The following TTC39B variants were observed in gnomAD, a reference collection of about 807,000 sequenced individuals.
The protein encoded by TTC39B is tetratricopeptide repeat domain 39B.
In TTC39B, 92 loss-of-function variants were observed where a neutral mutation model predicts 96.6. The observed-to-expected ratio is 0.95, with a 90% CI of 0.80 to 1.13. The LOEUF is 1.13. TTC39B is among the 50% of genes most tolerant of loss of function. The pLI, the probability that TTC39B is intolerant of heterozygous loss-of-function variation, is 0.00. For synonymous variants in TTC39B, 367 were observed against 299.4 expected, an observed-to-expected ratio of 1.23 and a Z score of -2.33; for missense variants, 955 against 809.3, an observed-to-expected ratio of 1.18 and a Z score of -2.18.
At chr9:15,218,168 C>CAAAA (rs764511443) in intron 3 of TTC39B, among the ~76,000 whole-genome samples, 4 of 58,554 alleles carry the variant, frequency 6.8e-5, no homozygotes, top group African/African-American at 1.3e-4. Flanking sequence ...GACTCTGTCT[C>CAAAA]AAAAAAAAAA....
chr9:15,220,175 C>T (rs1378204204), intron 3 of TTC39B, among the ~76,000 whole-genome samples: 1 of 152,184 alleles, frequency 6.6e-6, no homozygotes, highest in East Asian at 1.9e-4. Flanking sequence ...GGTTCTTTTG[C>T]AAGCCAATCC....
chr9:15,251,515 A>AAG (rs1822537486), intron 2 of TTC39B, among the ~76,000 whole-genome samples: 4 of 151,792 alleles, frequency 2.6e-5, no homozygotes, highest in African/African-American at 9.7e-5. Context: ...TGAGCTGAGT[A>AAG]GCGCCATTGC....
chr9:15,262,915 G>A (rs1369806481), intron 2 of TTC39B, among the ~76,000 whole-genome samples: 2 of 152,202 alleles, frequency 1.3e-5, no homozygotes, highest in African/African-American at 2.4e-5. Context: ...ACTAAGTTTT[G>A]CAGAATTCAC....
chr9:15,224,767 T>C (rs1821030481), intron 3 of TTC39B, among the ~76,000 whole-genome samples: 1 of 152,068 alleles, frequency 6.6e-6, no homozygotes, highest in Non-Finnish European at 1.5e-5. Flanking sequence ...CAAAATTCCA[T>C]GAGCAGGAAT....
intron 1 of TTC39B, among the ~76,000 whole-genome samples, chr9:15,280,270 AAC>A (rs1823709618): frequency 6.6e-6 from 1 of 152,158 alleles, no homozygotes; most frequent in Non-Finnish European, 1.5e-5. Context: ...GCTTTCCTGT[AAC>A]AGTCACAAAC....
intron 17 of TTC39B, among the ~76,000 whole-genome samples, chr9:15,181,203 A>C (rs1017106130): frequency 6.6e-6 from 1 of 152,196 alleles, no homozygotes; most frequent in Non-Finnish European, 1.5e-5. Flanking sequence ...ACAGTTAACA[A>C]AAATGAGTTA....
chr9:15,222,011 A>C (rs1480591278), intron 3 of TTC39B, among the ~76,000 whole-genome samples: 1 of 152,230 alleles, frequency 6.6e-6, no homozygotes, highest in African/African-American at 2.4e-5. Flanking sequence ...GGTGAAGGCT[A>C]AATGAATTCG....
intron 5 of TTC39B, among the ~76,000 whole-genome samples, chr9:15,210,815 C>A (rs563569740): frequency 0.021 from 3,248 of 152,254 alleles, 116 homozygotes; most frequent in African/African-American, 0.074. Flanking sequence ...ATAGGGTCTT[C>A]CTATACACAC....
At chr9:15,200,668 C>T (rs898698154) in intron 7 of TTC39B, among the ~76,000 whole-genome samples, 1 of 152,210 alleles carries the variant, frequency 6.6e-6, no homozygotes, top group African/African-American at 2.4e-5. Context: ...CTACGTTTTG[C>T]ATATCCAGAG....
intron 1 of TTC39B, among the ~76,000 whole-genome samples, chr9:15,284,952 A>G (rs976914853): frequency 6.6e-6 from 1 of 152,220 alleles, no homozygotes; most frequent in African/African-American, 2.4e-5. Context: ...CATTTCAGCT[A>G]AATTTGTTTT....
chr9:15,210,804 G>C (rs1384901390), intron 5 of TTC39B, among the ~76,000 whole-genome samples: 3 of 148,550 alleles, frequency 2.0e-5, no homozygotes. Flanking sequence ...AAAAAATTTT[G>C]ATAGGGTCTT....
rs200484106 is a variant in TTC39B at position 15,223,710 on chromosome 9, T to C, written c.371+2207A>G. 7.9e-5 allele frequency among the ~76,000 whole-genome samples: 12 copies of C among 152,280 alleles called. No homozygotes were observed. The East Asian group carries it at 9.7e-4, about 12-fold the overall frequency. ...TTAAAAGGCAGAGTGAGAATGTCTG[T>C]TGTTTAGTTTTTAAAAAGAAAAAGA... is the stretch of plus-strand genomic sequence containing the variant. On this transcript the variant is annotated intron_variant, in intron 3 of 19. Transcript: ENST00000512701.
intron 4 of TTC39B, among the ~76,000 whole-genome samples, chr9:15,213,375 AG>A (rs1229292243): frequency 6.6e-6 from 1 of 152,240 alleles, no homozygotes; most frequent in East Asian, 1.9e-4. Context: ...GTGAAACAAT[AG>A]CTGACCCATC....
At chr9:15,210,269 A>G (rs1285473466) in intron 5 of TTC39B, 105 bp from the exon 6 acceptor site, 1 of 719,098 alleles carries the variant, frequency 1.4e-6, no homozygotes, top group Non-Finnish European at 2.3e-6. Flanking sequence ...CCAAAGAGTC[A>G]AAAAGCTGAA....
intron 1 of TTC39B, among the ~76,000 whole-genome samples, chr9:15,282,989 G>A (rs1034516867): frequency 1.1e-4 from 16 of 152,108 alleles, no homozygotes; most frequent in African/African-American, 3.1e-4. Context: ...TCTTCACACC[G>A]TATTTCTCAA....
At chr9:15,186,970 C>T (rs192525613) in exon 15 of TTC39B, 29 of 1,613,696 alleles carry the variant, frequency 1.8e-5, no homozygotes, top group Middle Eastern at 1.7e-4. Flanking sequence ...CATTCTCATT[C>T]GTTGCTACTA....
At position 15,251,700 on chromosome 9, in the gene TTC39B, CATATATATATATATATATATATAT is replaced by C. The variant is rs57422881; in HGVS notation, c.275+16190_275+16213del. Reference sequence around the variant, plus strand: ...ACACACACACACACACATACATATACATATATATATATATATATATATATATATATATATATGTAGTATATATGG... The same window carrying C: ...ACACACACACACACACATACATATACATATATATATATGTAGTATATATGG... On this transcript the variant is annotated intron_variant, in intron 2 of 19. Transcript: ENST00000512701. Among the ~76,000 whole-genome samples the C allele has an allele frequency of 7.4e-3, 732 of 98,368 alleles. 18 individuals are homozygous for C. Among genetic ancestry groups the C allele is most frequent in the African/African-American group, 0.021 (666 of 32,110 alleles). The allele number at this position is 98,368 out of a possible 152,430, so 64.5% of individuals were successfully genotyped here. A position where few individuals can be genotyped will look rare whatever the true frequency, so the allele number is the denominator to read the frequency against.
At chr9:15,187,144 T>A in intron 14 of TTC39B, 109 bp from the exon 15 acceptor site, 1 of 732,960 alleles carries the variant, frequency 1.4e-6, no homozygotes, top group Non-Finnish European at 2.2e-6. Context: ...TTAGAGGCAT[T>A]AAAGAAATCA....
At chr9:15,199,907 A>C (rs374276253) in exon 8 of TTC39B, 1 of 1,542,684 alleles carries the variant, frequency 6.5e-7, no homozygotes, top group African/African-American at 1.4e-5. Flanking sequence ...CCTTTGATGA[A>C]GTTGATCATA....
Sources: allele counts gnomAD v4.1 joint callset (sites outside exome capture counted in the v4.1 genomes callset), GRCh38; gene constraint gnomAD v4.1.1; transcripts MANE v1.5; gene names NCBI Gene and HGNC (gene_info 2026-07-23, HGNC 2026-07-21).